The following H2BN1 variants were observed in gnomAD, a reference collection of about 807,000 sequenced individuals.
H2BN1 encodes H2B.N variant histone 1, also known as histone H2B.N.
chr17:32,898,773 A>G, the H2BN1 span, among the ~76,000 whole-genome samples: 1 of 152,198 alleles, frequency 6.6e-6, no homozygotes, highest in African/African-American at 2.4e-5. Flanking sequence ...AAACAAAAGA[A>G]CAATATTGGA....
chr17:32,896,016 A>T, the H2BN1 span, among the ~76,000 whole-genome samples: 1 of 151,226 alleles, frequency 6.6e-6, no homozygotes, highest in African/African-American at 2.4e-5. Context: ...TTCCACCTCA[A>T]CCTCCCAAGT....
the H2BN1 span, among the ~76,000 whole-genome samples, chr17:32,900,978 C>T: frequency 3.4e-4 from 51 of 152,078 alleles, 1 homozygote; most frequent in Middle Eastern, 6.8e-3. Context: ...GAGACTGAGG[C>T]GGGTGGATCA....
chr17:32,897,394 C>CAG, the H2BN1 span, among the ~76,000 whole-genome samples: 2 of 143,094 alleles, frequency 1.4e-5, no homozygotes, highest in African/African-American at 2.7e-5. Flanking sequence ...CACACACACA[C>CAG]AGCAACAAGA....
At chr17:32,900,781 C>T in the H2BN1 span, among the ~76,000 whole-genome samples, 1 of 152,130 alleles carries the variant, frequency 6.6e-6, no homozygotes, top group Non-Finnish European at 1.5e-5. Context: ...CAGAGTTTTA[C>T]CACGTTAGCC....
At chr17:32,896,220 C>G in the H2BN1 span, among the ~76,000 whole-genome samples, 1 of 152,178 alleles carries the variant, frequency 6.6e-6, no homozygotes, top group Non-Finnish European at 1.5e-5. Flanking sequence ...CTGGCCTAAA[C>G]TGATTCTTAA....
the H2BN1 span, among the ~76,000 whole-genome samples, chr17:32,900,721 A>G: frequency 6.6e-6 from 1 of 151,936 alleles, no homozygotes; most frequent in Non-Finnish European, 1.5e-5. Context: ...AGCTGGGACT[A>G]CAGGCGCCTG....
the H2BN1 span, among the ~76,000 whole-genome samples, chr17:32,901,413 C>T: frequency 6.6e-6 from 1 of 151,994 alleles, no homozygotes; most frequent in African/African-American, 2.4e-5. Context: ...CAAAATCAGC[C>T]CTTAAAAATC....
At chr17:32,897,358 T>TACACACAC in the H2BN1 span, among the ~76,000 whole-genome samples, 4,050 of 123,974 alleles carry the variant, frequency 0.033, 105 homozygotes, top group Non-Finnish European at 0.036. Context: ...CTCTCTGTCT[T>TACACACAC]ACACACACAC....
chr17:32,897,662 G>A, the H2BN1 span, among the ~76,000 whole-genome samples: 1 of 152,162 alleles, frequency 6.6e-6, no homozygotes, highest in Admixed American at 6.6e-5. Context: ...CTGGCACTTG[G>A]GGAGGAGCCT....
the H2BN1 span, among the ~76,000 whole-genome samples, chr17:32,897,173 A>G: frequency 6.6e-6 from 1 of 152,162 alleles, no homozygotes; most frequent in Non-Finnish European, 1.5e-5. Flanking sequence ...TCAGATGAAA[A>G]TGATGCAGAC....
chr17:32,899,144 A>G, the H2BN1 span, among the ~76,000 whole-genome samples: 1 of 152,348 alleles, frequency 6.6e-6, no homozygotes, highest in Non-Finnish European at 1.5e-5. Flanking sequence ...CATTTTTATT[A>G]AAGACAAATC....
the H2BN1 span, among the ~76,000 whole-genome samples, chr17:32,904,735 G>A: frequency 2.7e-4 from 41 of 152,096 alleles, no homozygotes; most frequent in Admixed American, 5.9e-4. Flanking sequence ...GGAGGTATGG[G>A]GTGGAAGAAA....
the H2BN1 span, among the ~76,000 whole-genome samples, chr17:32,897,769 AC>A: frequency 6.6e-6 from 1 of 152,198 alleles, no homozygotes; most frequent in Non-Finnish European, 1.5e-5. Context: ...AAACACAGGG[AC>A]ACATCCGAGG....
the H2BN1 span, among the ~76,000 whole-genome samples, chr17:32,903,090 T>C: frequency 6.6e-6 from 1 of 152,004 alleles, no homozygotes; most frequent in Non-Finnish European, 1.5e-5. Context: ...TGAAAGAGCA[T>C]TTGACTAGTC....
the H2BN1 span, among the ~76,000 whole-genome samples, chr17:32,900,931 G>C: frequency 2.6e-5 from 4 of 152,110 alleles, no homozygotes; most frequent in African/African-American, 9.7e-5. Context: ...ATCTCGGCCA[G>C]GTGTGGTGAC....
chr17:32,901,379 G>A, the H2BN1 span, among the ~76,000 whole-genome samples: 3 of 151,992 alleles, frequency 2.0e-5, no homozygotes, highest in South Asian at 2.1e-4. Flanking sequence ...TAATTTATAG[G>A]GAAACTGAAC....
chr17:32,900,586 AT>A, the H2BN1 span, among the ~76,000 whole-genome samples: 73 of 146,306 alleles, frequency 5.0e-4, no homozygotes, highest in East Asian at 2.4e-3. Flanking sequence ...GGCAACTACA[AT>A]TTTTTTTTTT....
chr17:32,900,911 T>C, the H2BN1 span, among the ~76,000 whole-genome samples: 4 of 152,052 alleles, frequency 2.6e-5, no homozygotes, highest in South Asian at 2.1e-4. Context: ...AAGCAATCTA[T>C]AAAATTTTAA....
At chr17:32,904,934 AC>A in the H2BN1 span, among the ~76,000 whole-genome samples, 19 of 152,200 alleles carry the variant, frequency 1.2e-4, no homozygotes, top group African/African-American at 4.6e-4. Flanking sequence ...TGGAAGAAAG[AC>A]CGGAACAAAC....
Sources: gnomAD v4.1 joint callset for allele counts (sites outside exome capture counted in the v4.1 genomes callset) on GRCh38, gnomAD v4.1.1 for gene constraint, MANE v1.5 for transcripts, NCBI Gene and HGNC (gene_info 2026-07-23, HGNC 2026-07-21) for gene names.